LDLRAD3: variants seen among roughly 807,000 people sequenced by gnomAD.
The protein encoded by LDLRAD3 is low-density lipoprotein receptor class A domain-containing protein 3.
Under a neutral mutation model 29.4 loss-of-function variants are expected in LDLRAD3, and 20 were observed. The ratio of observed to expected loss-of-function variants is 0.68; its 90% CI spans 0.48 to 0.99. The LOEUF is 0.99. Among genes scored for constraint, LDLRAD3 ranks in the 50% least tolerant of loss-of-function variants. LDLRAD3 has a pLI of 0.00. For synonymous variants in LDLRAD3, 157 were observed against 192.7 expected (o/e 0.81, Z 1.53); for missense variants, 420 against 454.3 (o/e 0.92, Z 0.69).
chr11:36,115,050 G>C (rs1252805388), intron 4 of LDLRAD3, among the ~76,000 whole-genome samples: 1 of 152,168 alleles, frequency 6.6e-6, no homozygotes, highest in East Asian at 1.9e-4. Context: ...TACCCCTCTT[G>C]AGAGCTTCAG....
intron 1 of LDLRAD3, among the ~76,000 whole-genome samples, chr11:35,960,851 C>T (rs1482467920): frequency 6.6e-6 from 1 of 152,214 alleles, no homozygotes; most frequent in Non-Finnish European, 1.5e-5. Context: ...CGCCTCGCCT[C>T]CCAAAGTGCT....
chr11:36,212,741 G>A (rs1201000967), intron 4 of LDLRAD3, among the ~76,000 whole-genome samples: 1 of 152,084 alleles, frequency 6.6e-6, no homozygotes, highest in African/African-American at 2.4e-5. Context: ...GCAGCTCTTA[G>A]CAGGCTTCAA....
At chr11:35,958,516 C>A (rs545251222) in intron 1 of LDLRAD3, among the ~76,000 whole-genome samples, 2 of 152,164 alleles carry the variant, frequency 1.3e-5, no homozygotes, top group Non-Finnish European at 2.9e-5. Context: ...GATCTGATGT[C>A]AGTCACCTCG....
intron 4 of LDLRAD3, among the ~76,000 whole-genome samples, chr11:36,218,550 G>C (rs1855384124): frequency 6.6e-6 from 1 of 152,232 alleles, no homozygotes; most frequent in African/African-American, 2.4e-5. Context: ...CATGAGAATG[G>C]ACGTGAGGTT....
At chr11:36,148,284 C>A (rs921276078) in intron 4 of LDLRAD3, among the ~76,000 whole-genome samples, 4 of 152,128 alleles carry the variant, frequency 2.6e-5, no homozygotes, top group Non-Finnish European at 5.9e-5. Flanking sequence ...ACCCTGTGAT[C>A]TTTGTGTTTT....
intron 1 of LDLRAD3, among the ~76,000 whole-genome samples, chr11:35,950,671 G>A (rs977310953): frequency 6.6e-6 from 1 of 152,116 alleles, no homozygotes; most frequent in Non-Finnish European, 1.5e-5. Context: ...TTCTTTTGTG[G>A]TGTCTAGAAG....
At chr11:36,075,017 A>G (rs565383267) in intron 2 of LDLRAD3, among the ~76,000 whole-genome samples, 1 of 152,136 alleles carries the variant, frequency 6.6e-6, no homozygotes, top group Non-Finnish European at 1.5e-5. Context: ...CCCATTACCC[A>G]ACTGTTAATG....
intron 4 of LDLRAD3, among the ~76,000 whole-genome samples, chr11:36,172,334 TTTGA>T (rs985098012): frequency 6.6e-6 from 1 of 152,014 alleles, no homozygotes; most frequent in African/African-American, 2.4e-5. Flanking sequence ...CGTTCTCTTG[TTTGA>T]TTGCTCTGGC....
intron 1 of LDLRAD3, among the ~76,000 whole-genome samples, chr11:36,011,009 T>C (rs1388186717): frequency 6.6e-6 from 1 of 152,196 alleles, no homozygotes; most frequent in East Asian, 1.9e-4. Context: ...TTCTCCATGT[T>C]GGTCAGGCTG....
chr11:35,954,694 A>G (rs1370706906), intron 1 of LDLRAD3, among the ~76,000 whole-genome samples: 1 of 152,194 alleles, frequency 6.6e-6, no homozygotes, highest in Non-Finnish European at 1.5e-5. Flanking sequence ...TTGATCTTCA[A>G]AGACTTGGAA....
At position 36,227,416 on chromosome 11, in the gene LDLRAD3, C is replaced by G; in HGVS notation, c.786C>G (p.Ala262=). The G allele has an allele frequency of 6.3e-7, 1 of 1,578,518 alleles. No individual in the cohort carries two copies. The highest frequency in any genetic ancestry group is 8.6e-7 in the Non-Finnish European group (1 of 1,162,854). The stretch of plus-strand genomic sequence containing the variant: ...GCTCCCCACCCTCCTACTCCGAGGC[C>G]TTGCTGGACCAGAGGTGTGTGCTGG... ...EVGSPPSYSE[A]LLDQRPAWYD... is the part of the protein sequence containing the mutation. The change falls in exon 5 of 6, where the codon GCC becomes GCG. Residue 262 remains alanine (A), a synonymous_variant. Coordinates refer to ENST00000315571, the MANE Select transcript of LDLRAD3 (RefSeq NM_174902.4).
chr11:35,997,264 A>C (rs1463353642), intron 1 of LDLRAD3: 1 of 344,906 alleles, frequency 2.9e-6, no homozygotes, highest in Non-Finnish European at 5.6e-6. Flanking sequence ...TGCAGCTCAC[A>C]GACTGGGCAG....
intron 1 of LDLRAD3, among the ~76,000 whole-genome samples, chr11:35,971,913 C>T (rs60513577): frequency 0.086 from 13,064 of 151,992 alleles, 1,090 homozygotes; most frequent in African/African-American, 0.22. Context: ...GGAAAGAATC[C>T]AGGAAGATCC....
intron 4 of LDLRAD3, among the ~76,000 whole-genome samples, chr11:36,122,565 CAAT>C (rs1853774943): frequency 2.0e-5 from 3 of 152,072 alleles, no homozygotes; most frequent in African/African-American, 7.2e-5. Context: ...ATGATGATAA[CAAT>C]AATAATTACT....
At chr11:36,086,697 A>G (rs1223379451) in intron 3 of LDLRAD3, among the ~76,000 whole-genome samples, 2 of 152,212 alleles carry the variant, frequency 1.3e-5, no homozygotes, top group Non-Finnish European at 2.9e-5. Flanking sequence ...TGGGGCTCCA[A>G]AAGGGAGAAA....
chr11:36,133,547 CTTTTTTTTTTT>C lies in LDLRAD3; in HGVS notation c.454+35094_454+35104del, dbSNP rs67935336. ...CCCAAGTCCGTTTTCTTTTTCTTTT[CTTTTTTTTTTT>C]TTTTTTTGAGACGGAGTCTTGCTCT... On this transcript the variant is annotated intron_variant, in intron 4 of 5. Transcript: ENST00000315571. Among the ~76,000 whole-genome samples the C allele has an allele frequency of 6.7e-5, 8 of 119,904 alleles. No homozygotes were observed. In the East Asian group the frequency reaches 1.2e-3, roughly 19 times the overall value. 78.7% of individuals were successfully genotyped at this position (119,904 alleles called of 152,430 possible). A position where few individuals can be genotyped will look rare whatever the true frequency, so the allele number is the denominator to read the frequency against.
chr11:36,147,086 C>T (rs559628915), intron 4 of LDLRAD3, among the ~76,000 whole-genome samples: 1 of 140,640 alleles, frequency 7.1e-6, no homozygotes, highest in South Asian at 2.3e-4. Flanking sequence ...CCATGACTGG[C>T]CCCCATATTT....
chr11:36,204,714 C>T (rs913518328), intron 4 of LDLRAD3, among the ~76,000 whole-genome samples: 3 of 152,194 alleles, frequency 2.0e-5, no homozygotes, highest in Admixed American at 1.3e-4. Flanking sequence ...GTCTTGAACT[C>T]CTGACTTCAG....
chr11:36,020,061 C>G (rs968334216), intron 1 of LDLRAD3, among the ~76,000 whole-genome samples: 1 of 152,144 alleles, frequency 6.6e-6, no homozygotes, highest in Non-Finnish European at 1.5e-5. Flanking sequence ...CACATGTTAT[C>G]ACATGCAAAG....
Sources: allele counts gnomAD v4.1 joint callset (sites outside exome capture counted in the v4.1 genomes callset), GRCh38; gene constraint gnomAD v4.1.1; transcripts MANE v1.5; gene names NCBI Gene and HGNC (gene_info 2026-07-23, HGNC 2026-07-21).